The following KLRG1 variants were observed in gnomAD, a reference collection of about 807,000 sequenced individuals.
KLRG1 encodes the protein killer cell lectin like receptor G1, also known as killer cell lectin-like receptor subfamily G member 1.
Under a neutral mutation model 21.8 loss-of-function variants are expected in KLRG1, and 16 were observed. That is an observed-to-expected ratio of 0.73 (90% CI 0.50 to 1.11). The LOEUF (loss-of-function observed/expected upper bound fraction) is 1.11, where lower values mean the gene tolerates loss of function less well. KLRG1 is among the 50% of genes most tolerant of loss of function. The probability of loss-of-function intolerance (pLI) is 0.00; values close to 1 mark genes in which losing one functional copy is unlikely to be tolerated. For missense variants in KLRG1, 173 were observed against 218.3 expected (o/e 0.79, Z 1.31); for synonymous variants, 69 against 75.9 (o/e 0.91, Z 0.47).
the KLRG1 span, chr12:9,101,366 C>T: frequency 7.4e-7 from 1 of 1,354,724 alleles, no homozygotes; most frequent in Non-Finnish European, 1.0e-6. Flanking sequence ...GAAGTAATGA[C>T]ATCTAAAGAG....
chr12:9,009,816 C>A lies in KLRG1; in HGVS notation c.*279C>A. 7.0e-7 allele frequency: 1 copy of A among 1,428,880 alleles called. No homozygotes were observed. The highest frequency in any genetic ancestry group is 1.5e-5 in the South Asian group (1 of 65,402). The allele number at this position is 1,428,880 out of a possible 1,614,324, so 88.5% of individuals were successfully genotyped here. ...GTATTTCTCAGTATGGAAACTAATG[C>A]TGCCACTCTCATCCCCGTCCCAACC... is the stretch of plus-strand genomic sequence containing the variant. On this transcript the variant is annotated 3_prime_UTR_variant, in exon 5 of 5. Coordinates refer to ENST00000356986, the MANE Select transcript of KLRG1 (RefSeq NM_005810.4).
At chr12:9,179,473 A>C in the KLRG1 span, among the ~76,000 whole-genome samples, 77 of 152,230 alleles carry the variant, frequency 5.1e-4, no homozygotes, top group Non-Finnish European at 8.1e-4. Flanking sequence ...CTATAGTCAA[A>C]AGCAGATAAT....
the KLRG1 span, among the ~76,000 whole-genome samples, chr12:9,095,313 A>T: frequency 1.3e-5 from 2 of 152,238 alleles, no homozygotes; most frequent in Non-Finnish European, 2.9e-5. Flanking sequence ...AACATCACAG[A>T]GCAATTAATT....
chr12:9,042,959 A>C, the KLRG1 span, among the ~76,000 whole-genome samples: 1 of 152,130 alleles, frequency 6.6e-6, no homozygotes, highest in African/African-American at 2.4e-5. Flanking sequence ...CAGAATTGCT[A>C]TGATGAGTGA....
chr12:9,077,802 C>T, the KLRG1 span: 25 of 1,614,028 alleles, frequency 1.5e-5, no homozygotes, highest in East Asian at 6.7e-5. Flanking sequence ...TGTGCTTCAT[C>T]GATGAAGATG....
intron 1 of KLRG1, among the ~76,000 whole-genome samples, chr12:8,964,083 G>A (rs981767202): frequency 2.0e-4 from 30 of 152,250 alleles, no homozygotes; most frequent in Middle Eastern, 3.4e-3. Context: ...GCTAGCTTTT[G>A]AATGTGTTTG....
At chr12:8,990,809 T>C (rs1592262959) in intron 1 of KLRG1, among the ~76,000 whole-genome samples, 1 of 152,184 alleles carries the variant, frequency 6.6e-6, no homozygotes, top group South Asian at 2.1e-4. Context: ...GTTACACAAA[T>C]TCAATTATGG....
At chr12:9,115,683 A>G in the KLRG1 span, 1 of 1,075,996 alleles carries the variant, frequency 9.3e-7, no homozygotes. Context: ...CATAGGAAAG[A>G]AAAAGGAATG....
At chr12:8,977,132 A>G (rs1336587918) in intron 1 of KLRG1, among the ~76,000 whole-genome samples, 2 of 151,006 alleles carry the variant, frequency 1.3e-5, no homozygotes, top group Non-Finnish European at 2.9e-5. Flanking sequence ...ATCTTTTTCT[A>G]TCCCTTCACT....
the KLRG1 span, among the ~76,000 whole-genome samples, chr12:9,052,094 C>T: frequency 3.3e-5 from 5 of 152,162 alleles, no homozygotes; most frequent in African/African-American, 7.2e-5. Flanking sequence ...TATATAAGAG[C>T]GTCTGCAGGC....
chr12:9,154,556 T>G, the KLRG1 span: 1 of 1,484,818 alleles, frequency 6.7e-7, no homozygotes. Context: ...ACTGTTCTAC[T>G]TTTAAGCCTC....
At chr12:9,046,576 A>G in the KLRG1 span, among the ~76,000 whole-genome samples, 1 of 152,360 alleles carries the variant, frequency 6.6e-6, no homozygotes, top group East Asian at 1.9e-4. Context: ...TTCAAAAACC[A>G]TGCAAGCAAG....
At chr12:9,145,142 C>T in the KLRG1 span, among the ~76,000 whole-genome samples, 1 of 152,082 alleles carries the variant, frequency 6.6e-6, no homozygotes, top group African/African-American at 2.4e-5. Flanking sequence ...TATGTGTTTT[C>T]ATTGGGAGGT....
At chr12:9,033,054 A>G in the KLRG1 span, among the ~76,000 whole-genome samples, 1 of 152,190 alleles carries the variant, frequency 6.6e-6, no homozygotes, top group African/African-American at 2.4e-5. Context: ...GTCTCAGTGA[A>G]TTGATTTTGC....
At chr12:9,166,103 G>A in the KLRG1 span, 170 of 1,612,972 alleles carry the variant, frequency 1.1e-4, no homozygotes, top group East Asian at 5.4e-4. Context: ...GCTTCGCACC[G>A]TTTCAGGGAC....
At chr12:9,179,305 T>A in the KLRG1 span, among the ~76,000 whole-genome samples, 40 of 152,298 alleles carry the variant, frequency 2.6e-4, no homozygotes, top group African/African-American at 9.4e-4. Flanking sequence ...CCTATATCCT[T>A]TTTTATTGCC....
the KLRG1 span, chr12:9,077,476 A>C: frequency 6.5e-7 from 1 of 1,531,644 alleles, no homozygotes; most frequent in Middle Eastern, 1.7e-4. Flanking sequence ...GCTATTGATT[A>C]GTTCTTTCTA....
At chr12:9,000,450 A>G (rs968709826) in intron 3 of KLRG1, among the ~76,000 whole-genome samples, 1 of 152,212 alleles carries the variant, frequency 6.6e-6, no homozygotes, top group Non-Finnish European at 1.5e-5. Context: ...ACCATTTTCA[A>G]GTGTACAATT....
At chr12:9,001,549 T>A (rs947137440) in intron 3 of KLRG1, among the ~76,000 whole-genome samples, 5 of 152,140 alleles carry the variant, frequency 3.3e-5, no homozygotes, top group Non-Finnish European at 7.3e-5. Context: ...TAAGTCAGAT[T>A]CCTTAAACCC....
Sources: gnomAD v4.1 joint callset for allele counts (sites outside exome capture counted in the v4.1 genomes callset) on GRCh38, gnomAD v4.1.1 for gene constraint, MANE v1.5 for transcripts, NCBI Gene and HGNC (gene_info 2026-07-23, HGNC 2026-07-21) for gene names.